Variants in KCTD8 observed in about 807,000 individuals in gnomAD.
KCTD8 encodes the protein potassium channel tetramerization domain containing 8, also known as BTB/POZ domain-containing protein KCTD8.
In KCTD8, 27 loss-of-function variants were observed where a neutral mutation model predicts 31.5. The ratio of observed to expected loss-of-function variants is 0.86; its 90% confidence interval spans 0.63 to 1.18. The LOEUF is 1.18. KCTD8 is among the 50% of genes most tolerant of loss of function. The probability of loss-of-function intolerance (pLI) is 0.00; values close to 1 mark genes in which losing one functional copy is unlikely to be tolerated. For missense variants in KCTD8, 658 were observed against 647.7 expected (o/e 1.02, Z -0.17); for synonymous variants, 290 against 280.0 (o/e 1.04, Z -0.36).
Position 44,356,226 on chromosome 4 carries a change from T to G in KCTD8, c.961+91337A>C, listed in dbSNP as rs574784692. ...ACTGCTTCTCATTCAACTATAATAT[T>G]TTACCTGCTTTACCAAAAATTTAGT... On this transcript the variant is annotated intron_variant, in intron 1 of 1. Transcript: ENST00000360029. Among the ~76,000 whole-genome samples the G allele has an allele frequency of 2.0e-5, 3 of 152,276 alleles. No homozygotes were observed. The South Asian group carries it at 6.2e-4, about 32-fold the overall frequency.
At chr4:44,299,735 A>C (rs568492941) in intron 1 of KCTD8, among the ~76,000 whole-genome samples, 1 of 152,170 alleles carries the variant, frequency 6.6e-6, no homozygotes, top group South Asian at 2.1e-4. Context: ...TCAAAAAAAA[A>C]AAAGGTGGTG....
In KCTD8 at chr4:44,447,608, G is replaced by A. The variant is rs1204173334; in HGVS notation, c.916C>T (p.Arg306Cys). 1.9e-6 allele frequency: 3 copies of A among 1,603,462 alleles called. No homozygotes were observed. Among genetic ancestry groups the A allele is most frequent in the Non-Finnish European group, 2.6e-6 (3 of 1,175,272 alleles). The part of the protein sequence containing the change: ...SGTAAFVNQY[R>C]DDKIWSSYTE... Reference sequence around the variant, plus strand: ...TAGCTGCTCCAGATCTTGTCGTCGCGGTACTGGTTGACGAAGGCGGCGGTG... The same window carrying A: ...TAGCTGCTCCAGATCTTGTCGTCGCAGTACTGGTTGACGAAGGCGGCGGTG... Residue 306 changes from arginine to cysteine, a missense_variant, in exon 1 of 2, where the codon CGC becomes TGC. Coordinates refer to ENST00000360029, the MANE Select transcript of KCTD8 (RefSeq NM_198353.3).
chr4:44,438,747 C>T (rs1345700359), intron 1 of KCTD8, among the ~76,000 whole-genome samples: 1 of 152,152 alleles, frequency 6.6e-6, no homozygotes, highest in Non-Finnish European at 1.5e-5. Flanking sequence ...AAATCTGGTA[C>T]TGAGAATTAT....
chr4:44,394,670 C>T (rs146458311), intron 1 of KCTD8, among the ~76,000 whole-genome samples: 141 of 152,068 alleles, frequency 9.3e-4, no homozygotes, highest in African/African-American at 3.2e-3. Context: ...TTTGCTATGT[C>T]GTATGTGCTA....
intron 1 of KCTD8, among the ~76,000 whole-genome samples, chr4:44,401,563 T>C (rs920581386): frequency 1.3e-4 from 20 of 152,184 alleles, no homozygotes. Context: ...TCATACAACA[T>C]GGCCCCAGAA....
At chr4:44,389,620 A>G (rs1720316561) in intron 1 of KCTD8, among the ~76,000 whole-genome samples, 1 of 151,782 alleles carries the variant, frequency 6.6e-6, no homozygotes, top group African/African-American at 2.4e-5. Context: ...TTGTTTAATG[A>G]GTATGGAGTT....
chr4:44,204,501 T>A (rs1490219441), intron 1 of KCTD8, among the ~76,000 whole-genome samples: 1 of 152,152 alleles, frequency 6.6e-6, no homozygotes, highest in African/African-American at 2.4e-5. Flanking sequence ...CCCAGTCATG[T>A]ACCCCCTGCT....
At chr4:44,441,996 C>T (rs1181454599) in intron 1 of KCTD8, among the ~76,000 whole-genome samples, 1 of 151,990 alleles carries the variant, frequency 6.6e-6, no homozygotes. Context: ...AATGTGTAAA[C>T]TTATTAAATG....
intron 1 of KCTD8, among the ~76,000 whole-genome samples, chr4:44,252,898 T>C (rs1577576298): frequency 6.6e-6 from 1 of 151,864 alleles, no homozygotes; most frequent in East Asian, 1.9e-4. Context: ...GAATAATATA[T>C]GGAGTGACAG....
chr4:44,422,926 T>C lies in KCTD8; in HGVS notation c.961+24637A>G, dbSNP rs1191086751. Among the ~76,000 whole-genome samples the C allele has an allele frequency of 3.9e-5, 6 of 152,076 alleles. No homozygotes were observed. In the East Asian group the frequency reaches 1.2e-3, roughly 29 times the overall value. On this transcript the variant is annotated intron_variant, in intron 1 of 1. Transcript: ENST00000360029. ...GTTGTGGCTGCTGTTACTGATGTTG[T>C]TGTTGGTGGATAGAGAAGAGACTGA... is the stretch of plus-strand genomic sequence containing the variant.
At chr4:44,340,336 T>C (rs1349601124) in intron 1 of KCTD8, among the ~76,000 whole-genome samples, 1 of 151,982 alleles carries the variant, frequency 6.6e-6, no homozygotes, top group Non-Finnish European at 1.5e-5. Flanking sequence ...TCTGGCTCTG[T>C]TGCCCAGGCT....
chr4:44,196,659 G>C (rs1405203478), intron 1 of KCTD8, among the ~76,000 whole-genome samples: 1 of 152,222 alleles, frequency 6.6e-6, no homozygotes, highest in East Asian at 1.9e-4. Context: ...CCTGGGACCA[G>C]TGCAGAGCCA....
intron 1 of KCTD8, among the ~76,000 whole-genome samples, chr4:44,426,546 G>A (rs1721352373): frequency 6.6e-6 from 1 of 151,560 alleles, no homozygotes. Context: ...CACATAAAGA[G>A]ATTAAAATGA....
chr4:44,278,457 G>T (rs80211087), intron 1 of KCTD8, among the ~76,000 whole-genome samples: 116 of 152,050 alleles, frequency 7.6e-4, no homozygotes, highest in African/African-American at 2.6e-3. Context: ...TAATATAGTA[G>T]AATGGTAATT....
At chr4:44,220,776 C>G (rs569192904) in intron 1 of KCTD8, among the ~76,000 whole-genome samples, 1 of 151,990 alleles carries the variant, frequency 6.6e-6, no homozygotes, top group Admixed American at 6.6e-5. Flanking sequence ...GAACTGAATA[C>G]GAAAAGAGAA....
At chr4:44,189,645 A>G (rs62304802) in intron 1 of KCTD8, among the ~76,000 whole-genome samples, 18,269 of 152,024 alleles carry the variant, frequency 0.12, 1,393 homozygotes, top group East Asian at 0.25. Flanking sequence ...ATTCCAACAT[A>G]CATGCACACA....
intron 1 of KCTD8, among the ~76,000 whole-genome samples, chr4:44,269,256 A>G (rs1303049160): frequency 6.6e-6 from 1 of 152,076 alleles, no homozygotes; most frequent in Non-Finnish European, 1.5e-5. Context: ...ACTATCTGAT[A>G]TTTGACAAAC....
Position 44,448,747 on chromosome 4 carries a change from G to C in KCTD8, c.-224C>G. On this transcript the variant is annotated 5_prime_UTR_variant, in exon 1 of 2. Transcript: ENST00000360029. This position sits in a 1 kb window ranked among gnomAD's most constrained non-coding sequence, Gnocchi z 4.1. ...CGCGAGAGAGGAGCTCCGCCGGTGC[G>C]GCGGCGGCAATGGAGAGGCAAGAAG... 2 of 397,544 alleles carry C rather than the reference G, an allele frequency of 5.0e-6. No homozygotes were observed. Among genetic ancestry groups the C allele is most frequent in the Non-Finnish European group, 8.7e-6 (2 of 229,700 alleles). 24.6% of individuals were successfully genotyped at this position (397,544 alleles called of 1,614,324 possible). A position where few individuals can be genotyped will look rare whatever the true frequency, so the allele number is the denominator to read the frequency against.
At chr4:44,415,882 C>T (rs1398425589) in intron 1 of KCTD8, among the ~76,000 whole-genome samples, 1 of 152,198 alleles carries the variant, frequency 6.6e-6, no homozygotes, top group Non-Finnish European at 1.5e-5. Flanking sequence ...GGTGGACCCA[C>T]AGAGTCCCCA....
Sources: gnomAD v4.1 joint callset for allele counts (sites outside exome capture counted in the v4.1 genomes callset) on GRCh38, gnomAD v4.1.1 for gene constraint, Gnocchi (gnomAD v3.1) non-coding constraint, MANE v1.5 for transcripts, NCBI Gene and HGNC (gene_info 2026-07-23, HGNC 2026-07-21) for gene names.